TTC7B: variants seen among roughly 807,000 people sequenced by gnomAD.
The protein encoded by TTC7B is tetratricopeptide repeat protein 7B.
In TTC7B, 28 loss-of-function variants were observed where a neutral mutation model predicts 106.8. The ratio of observed to expected loss-of-function variants is 0.26; its 90% CI spans 0.19 to 0.36. The LOEUF (loss-of-function observed/expected upper bound fraction) is 0.36, where lower values mean the gene tolerates loss of function less well. TTC7B is among the 10% of genes least tolerant of loss of function. The pLI, the probability that TTC7B is intolerant of heterozygous loss-of-function variation, is 1.00. For synonymous variants in TTC7B, 405 were observed against 430.6 expected (o/e 0.94, Z 0.74); for missense variants, 862 against 1,076.4 (o/e 0.80, Z 2.79).
At chr14:90,618,891 A>T (rs2139849670) in intron 15 of TTC7B, among the ~76,000 whole-genome samples, 1 of 152,232 alleles carries the variant, frequency 6.6e-6, no homozygotes, top group Non-Finnish European at 1.5e-5. Context: ...ACATCTTATT[A>T]TAAAGATCTC....
chr14:90,583,624 G>T (rs987533485), intron 18 of TTC7B, among the ~76,000 whole-genome samples: 2 of 152,212 alleles, frequency 1.3e-5, no homozygotes, highest in African/African-American at 4.8e-5. Context: ...TGCTCCAGCT[G>T]CAGGGCAGGG....
intron 19 of TTC7B, chr14:90,567,385 C>A: frequency 6.6e-6 from 1 of 152,392 alleles, no homozygotes; most frequent in Non-Finnish European, 1.5e-5. Flanking sequence ...CAAGAAGAGA[C>A]ACAAAGACTT....
At chr14:90,592,629 A>G (rs1352874797) in intron 18 of TTC7B, among the ~76,000 whole-genome samples, 3 of 151,902 alleles carry the variant, frequency 2.0e-5, no homozygotes, top group Non-Finnish European at 4.4e-5. Context: ...GAATCGCTTG[A>G]ACCTGGGAGG....
chr14:90,746,153 T>C (rs913456101), intron 3 of TTC7B, among the ~76,000 whole-genome samples: 6 of 152,038 alleles, frequency 3.9e-5, no homozygotes, highest in African/African-American at 9.7e-5. Context: ...TTGTGTAGAG[T>C]TGATATTATT....
rs566295095 is a variant in TTC7B at position 90,586,817 on chromosome 14, G to A, written c.2107+6669C>T. Among the ~76,000 whole-genome samples the A allele has an allele frequency of 2.3e-3, 351 of 152,284 alleles. 2 individuals carry two copies. The highest frequency in any genetic ancestry group is 8.0e-3 in the African/African-American group (333 of 41,548). On this transcript the variant is annotated intron_variant, in intron 18 of 19. Transcript: ENST00000328459. ...CACTTCCAAGCTCAAGTGGGACTCT[G>A]AAGTCTCTGCCTCCCTGACTCCAAC...
chr14:90,714,480 T>G (rs1888575897), intron 5 of TTC7B, among the ~76,000 whole-genome samples: 1 of 149,840 alleles, frequency 6.7e-6, no homozygotes. Flanking sequence ...TTTTTAGAGA[T>G]AGTCTCACTC....
At chr14:90,715,324 G>A (rs535018967) in intron 5 of TTC7B, among the ~76,000 whole-genome samples, 3 of 152,094 alleles carry the variant, frequency 2.0e-5, no homozygotes, top group South Asian at 2.1e-4. Context: ...CTCTCTAGTC[G>A]CTGTGTCTTT....
Position 90,657,676 on chromosome 14 carries a change from C to T in TTC7B, c.1237-398G>A, listed in dbSNP as rs1886006915. Among the ~76,000 whole-genome samples the T allele has an allele frequency of 1.3e-5, 2 of 152,220 alleles. No homozygotes were observed. The highest frequency in any genetic ancestry group is 2.9e-5 in the Non-Finnish European group (2 of 68,038). On this transcript the variant is annotated intron_variant, in intron 10 of 19. Coordinates refer to ENST00000328459, the MANE Select transcript of TTC7B (RefSeq NM_001010854.2). The surrounding 1 kb of genome is among the most constrained non-coding windows in gnomAD (Gnocchi z 4.2). ...ATCTCAGGCTTCATTCGCTAAATGGCCCAAATTAGCAAGAAAAACAATAGC... is the reference window on the plus strand; with the variant it reads ...ATCTCAGGCTTCATTCGCTAAATGGTCCAAATTAGCAAGAAAAACAATAGC...
At chr14:90,547,830 C>T (rs1889903688) in intron 19 of TTC7B, among the ~76,000 whole-genome samples, 1 of 152,062 alleles carries the variant, frequency 6.6e-6, no homozygotes. Context: ...CCCCATGGCA[C>T]TCTGCACAAA....
chr14:90,595,863 C>T (rs935632707), intron 17 of TTC7B, among the ~76,000 whole-genome samples: 10 of 152,106 alleles, frequency 6.6e-5, no homozygotes, highest in African/African-American at 2.2e-4. Flanking sequence ...TTGGAGAGAC[C>T]GGAAGCAAAT....
chr14:90,734,464 T>C (rs1182926775), intron 4 of TTC7B, among the ~76,000 whole-genome samples: 1 of 151,542 alleles, frequency 6.6e-6, no homozygotes, highest in African/African-American at 2.4e-5. Context: ...ACAAAAATCA[T>C]TCCACCTCAT....
At chr14:90,798,709 C>CAAAAAA (rs36223089) in intron 1 of TTC7B, among the ~76,000 whole-genome samples, 1,029 of 52,204 alleles carry the variant, frequency 0.02, 151 homozygotes, top group Non-Finnish European at 0.025. Context: ...GACTCCATCT[C>CAAAAAA]AAAAAAAAAA....
At chr14:90,660,112 C>G (rs1886126626) in intron 9 of TTC7B, among the ~76,000 whole-genome samples, 1 of 151,894 alleles carries the variant, frequency 6.6e-6, no homozygotes, top group African/African-American at 2.4e-5. Flanking sequence ...CGGCTGGGCG[C>G]AGTGGCTCAC....
At chr14:90,780,407 CAG>C (rs895560006) in intron 3 of TTC7B, among the ~76,000 whole-genome samples, 9 of 96,296 alleles carry the variant, frequency 9.3e-5, no homozygotes, top group Non-Finnish European at 1.4e-4. Context: ...GAGAAAGAAA[CAG>C]AGAAAGAAAG....
At chr14:90,709,575 T>A (rs974498844) in intron 5 of TTC7B, among the ~76,000 whole-genome samples, 3 of 148,288 alleles carry the variant, frequency 2.0e-5, no homozygotes, top group African/African-American at 7.4e-5. Flanking sequence ...TTAGGAGATA[T>A]ACCTAATGCT....
intron 18 of TTC7B, among the ~76,000 whole-genome samples, chr14:90,592,724 C>G (rs1419093835): frequency 6.7e-6 from 1 of 148,452 alleles, no homozygotes; most frequent in Non-Finnish European, 1.5e-5. Context: ...AAAAAAAAAG[C>G]CTGGACACTG....
chr14:90,591,844 G>A (rs1233181812), intron 18 of TTC7B, among the ~76,000 whole-genome samples: 1 of 152,230 alleles, frequency 6.6e-6, no homozygotes, highest in East Asian at 1.9e-4. Flanking sequence ...TTTTGCATAA[G>A]GGAGCTGTGG....
chr14:90,706,484 G>A (rs890048292), intron 5 of TTC7B, among the ~76,000 whole-genome samples: 8 of 152,070 alleles, frequency 5.3e-5, no homozygotes, highest in African/African-American at 1.7e-4. Flanking sequence ...TTTATAAGAT[G>A]TTTCATCTAA....
chr14:90,800,698 C>A (rs961367714), intron 1 of TTC7B, among the ~76,000 whole-genome samples: 3 of 152,130 alleles, frequency 2.0e-5, no homozygotes, highest in African/African-American at 7.2e-5. Flanking sequence ...GTAGTCCCAG[C>A]TACTCGGGAG....
Sources: gnomAD v4.1 joint callset for allele counts (sites outside exome capture counted in the v4.1 genomes callset) on GRCh38, gnomAD v4.1.1 for gene constraint, Gnocchi (gnomAD v3.1) non-coding constraint, MANE v1.5 for transcripts, NCBI Gene and HGNC (gene_info 2026-07-23, HGNC 2026-07-21) for gene names.